PPP2R3A: variants seen among roughly 807,000 people sequenced by gnomAD.
PPP2R3A encodes the protein protein phosphatase 2 regulatory subunit B''alpha.
PPP2R3A carries 80 observed loss-of-function variants against 106.9 expected under a neutral mutation model. The ratio of observed to expected loss-of-function variants is 0.75; its 90% CI spans 0.62 to 0.90. The LOEUF is 0.90. Among genes scored for constraint, PPP2R3A ranks in the 40% least tolerant of loss-of-function variants. The pLI, the probability that PPP2R3A is intolerant of heterozygous loss-of-function variation, is 0.00. For missense variants in PPP2R3A, 1,386 were observed against 1,350.4 expected, an observed-to-expected ratio of 1.03 and a Z score of -0.41; for synonymous variants, 483 against 468.3, an observed-to-expected ratio of 1.03 and a Z score of -0.41.
At chr3:136,135,241 T>C (rs1275708767) in intron 13 of PPP2R3A, among the ~76,000 whole-genome samples, 1 of 152,068 alleles carries the variant, frequency 6.6e-6, no homozygotes, top group Non-Finnish European at 1.5e-5. Flanking sequence ...CCACTTCTGT[T>C]GTGGGAGATA....
chr3:136,003,084 A>T lies in PPP2R3A; in HGVS notation c.1586A>T (p.Glu529Val). ...CAGAAGATGGAGACCTCTCTAAGAGAGCCACTTGCGAAGGGTAAAAACTCT... is the reference window on the plus strand; with the variant it reads ...CAGAAGATGGAGACCTCTCTAAGAGTGCCACTTGCGAAGGGTAAAAACTCT... ...FSQKMETSLR[E>V]PLAKGKNSNF... The change falls in exon 2 of 14, where the codon GAG (glutamate) becomes GTG (valine). Residue 529 changes from glutamate to valine, a missense_variant. Glu to Val is a moderately radical substitution (Grantham distance 121). Transcript: ENST00000264977. The T allele has an allele frequency of 6.2e-7, 1 of 1,611,058 alleles. No homozygotes were observed. The highest frequency in any genetic ancestry group is 8.5e-7 in the Non-Finnish European group (1 of 1,179,276).
intron 1 of PPP2R3A, among the ~76,000 whole-genome samples, chr3:135,986,254 C>T (rs1932913424): frequency 3.3e-5 from 5 of 152,116 alleles, no homozygotes; most frequent in Admixed American, 3.3e-4. Context: ...TCCCACAGGG[C>T]TCAGCGGAAG....
At chr3:136,025,318 T>C (rs886767437) in intron 2 of PPP2R3A, among the ~76,000 whole-genome samples, 1 of 152,126 alleles carries the variant, frequency 6.6e-6, no homozygotes, top group African/African-American at 2.4e-5. Context: ...TTTTTCATAT[T>C]TCATTGGTAT....
At chr3:136,108,011 G>A (rs1354007774) in intron 13 of PPP2R3A, among the ~76,000 whole-genome samples, 1 of 152,116 alleles carries the variant, frequency 6.6e-6, no homozygotes, top group Admixed American at 6.5e-5. Flanking sequence ...CCAGGAGTTC[G>A]AGACCAGCCT....
At chr3:136,090,826 A>G (rs1937078095) in intron 10 of PPP2R3A, among the ~76,000 whole-genome samples, 159 bp downstream of exon 10, 1 of 152,242 alleles carries the variant, frequency 6.6e-6, no homozygotes, top group South Asian at 2.1e-4. Flanking sequence ...GTCTCAGGAG[A>G]TTGGCACTGA....
intron 13 of PPP2R3A, among the ~76,000 whole-genome samples, chr3:136,134,964 A>G (rs1483561889): frequency 6.6e-6 from 1 of 152,186 alleles, no homozygotes; most frequent in African/African-American, 2.4e-5. Flanking sequence ...AGGAAGAAGA[A>G]ATAGATAGCA....
intron 7 of PPP2R3A, among the ~76,000 whole-genome samples, chr3:136,081,528 GATTTT>G (rs1454125767): frequency 3.3e-5 from 5 of 151,980 alleles, no homozygotes; most frequent in Non-Finnish European, 1.5e-5. Context: ...TCATATATCT[GATTTT>G]ATTTCTGCCA....
At chr3:136,004,208 T>G (rs1228840852) in intron 2 of PPP2R3A, among the ~76,000 whole-genome samples, 1 of 152,240 alleles carries the variant, frequency 6.6e-6, no homozygotes, top group Non-Finnish European at 1.5e-5. Flanking sequence ...AGCACTGCTT[T>G]TGAATACTCC....
At chr3:136,077,659 G>T (rs2107922010) in intron 6 of PPP2R3A, among the ~76,000 whole-genome samples, 1 of 152,258 alleles carries the variant, frequency 6.6e-6, no homozygotes, top group Non-Finnish European at 1.5e-5. Flanking sequence ...CTCCAGGATT[G>T]CAGCTTCCAT....
chr3:136,043,130 T>TAA (rs879738665), intron 4 of PPP2R3A, among the ~76,000 whole-genome samples: 4 of 145,498 alleles, frequency 2.7e-5, no homozygotes, highest in Non-Finnish European at 1.5e-5. Context: ...TACATAATCT[T>TAA]AAAAAAAAAA....
At chr3:136,116,331 C>T (rs753801863) in intron 13 of PPP2R3A, among the ~76,000 whole-genome samples, 5 of 152,260 alleles carry the variant, frequency 3.3e-5, no homozygotes, top group Admixed American at 6.5e-5. Context: ...GAAACTGCAT[C>T]AACTAACGGA....
At chr3:136,136,088 ATATAT>A (rs1938613903) in intron 13 of PPP2R3A, among the ~76,000 whole-genome samples, 2 of 138,544 alleles carry the variant, frequency 1.4e-5, no homozygotes, top group African/African-American at 5.5e-5. Flanking sequence ...ATATATATAT[ATATAT>A]AAAAAACATC....
At chr3:135,987,045 G>A (rs1438021193) in intron 1 of PPP2R3A, among the ~76,000 whole-genome samples, 3 of 152,086 alleles carry the variant, frequency 2.0e-5, no homozygotes, top group African/African-American at 7.2e-5. Context: ...GTCCACATCT[G>A]TCATTTCTCA....
rs916230517 is a variant in PPP2R3A at position 136,146,229 on chromosome 3, A to G, written c.*1063A>G. On this transcript the variant is annotated 3_prime_UTR_variant, in exon 14 of 14. Coordinates refer to ENST00000264977, the MANE Select transcript of PPP2R3A (RefSeq NM_002718.5). ...TACTGTAGTTGTAGATGTATTCACT[A>G]CAGAATCCTACATTTTTCAGCAGGC... The G allele has an allele frequency of 6.6e-6, 1 of 152,248 alleles. No homozygotes were observed. 9.4% of individuals were successfully genotyped at this position (152,248 alleles called of 1,614,324 possible).
rs567504253 is a variant in PPP2R3A, at chr3:136,076,282, GCC to G, written c.2545-2083_2545-2082del. Reference sequence around the variant, plus strand: ...ACAGAACAAGTCAGCTTCTTCTTCCGCCCAATAGCCACTCAGATCTTGATCAC... The same window carrying G: ...ACAGAACAAGTCAGCTTCTTCTTCCGCAATAGCCACTCAGATCTTGATCAC... On this transcript the variant is annotated intron_variant, in intron 6 of 13. Transcript: ENST00000264977. Among the ~76,000 whole-genome samples, 32 of 152,108 alleles carry G rather than the reference GCC, an allele frequency of 2.1e-4. 1 individual carries two copies. The South Asian group carries it at 6.7e-3, about 32-fold the overall frequency.
Position 136,145,309 on chromosome 3 carries a change from C to T in PPP2R3A, c.*143C>T. 1 of 1,090,538 alleles carries T rather than the reference C, an allele frequency of 9.2e-7. No homozygotes were observed. Among genetic ancestry groups the T allele is most frequent in the African/African-American group, 1.6e-5 (1 of 61,868 alleles). The allele number at this position is 1,090,538 out of a possible 1,614,324, so 67.6% of individuals were successfully genotyped here. A position where few individuals can be genotyped will look rare whatever the true frequency, so the allele number is the denominator to read the frequency against. On this transcript the variant is annotated 3_prime_UTR_variant, in exon 14 of 14. Transcript: ENST00000264977. ...CTGCACTAGGAACTTTGTTTTTAAG[C>T]AATAGGTCTGGATACACATTTAACT...
intron 4 of PPP2R3A, among the ~76,000 whole-genome samples, chr3:136,041,297 G>T (rs1449268996): frequency 0.012 from 444 of 38,564 alleles, 4 homozygotes; most frequent in Non-Finnish European, 0.015. Context: ...TCACTTTTTT[G>T]CCCAGGCTAG....
intron 13 of PPP2R3A, among the ~76,000 whole-genome samples, chr3:136,110,669 G>T (rs148922006): frequency 6.6e-6 from 1 of 152,262 alleles, no homozygotes; most frequent in Non-Finnish European, 1.5e-5. Context: ...AGTGTATGTG[G>T]CTATGTTCCA....
intron 5 of PPP2R3A, among the ~76,000 whole-genome samples, chr3:136,060,515 T>C (rs558488021): frequency 2.0e-5 from 3 of 152,252 alleles, no homozygotes; most frequent in Admixed American, 6.5e-5. Context: ...TCATGAGATC[T>C]GATTGTTTGA....
Sources: allele counts gnomAD v4.1 joint callset (sites outside exome capture counted in the v4.1 genomes callset), GRCh38; gene constraint gnomAD v4.1.1; transcripts MANE v1.5; gene names NCBI Gene and HGNC (gene_info 2026-07-23, HGNC 2026-07-21).